SMIM35: variants seen among roughly 807,000 people sequenced by gnomAD.
The protein encoded by SMIM35 is small integral membrane protein 35, also known as TMPRSS4 antisense RNA 1 (non-protein coding).
intron 1 of SMIM35, among the ~76,000 whole-genome samples, chr11:118,059,873 G>A (rs765162151): frequency 2.0e-5 from 3 of 152,168 alleles, no homozygotes; most frequent in Admixed American, 6.5e-5. Flanking sequence ...CTCCCACGCC[G>A]GCCTAGGGAT....
chr11:118,047,835 A>G (rs897765471), intron 1 of SMIM35, among the ~76,000 whole-genome samples: 1 of 152,178 alleles, frequency 6.6e-6, no homozygotes, highest in African/African-American at 2.4e-5. Flanking sequence ...GTGACCCTCC[A>G]CATTTGTCCC....
intron 1 of SMIM35, among the ~76,000 whole-genome samples, chr11:118,052,589 C>A (rs1944234643): frequency 6.6e-6 from 1 of 152,140 alleles, no homozygotes; most frequent in Non-Finnish European, 1.5e-5. Context: ...TCTGCCCTGG[C>A]TCCCACATAG....
At chr11:118,084,615 G>T (rs988599224) in intron 1 of SMIM35, among the ~76,000 whole-genome samples, 3 of 152,188 alleles carry the variant, frequency 2.0e-5, no homozygotes, top group African/African-American at 7.2e-5. Flanking sequence ...CAGAACCACA[G>T]CACAGACCCT....
chr11:118,059,819 G>T (rs1361385023), intron 1 of SMIM35, among the ~76,000 whole-genome samples: 1 of 152,184 alleles, frequency 6.6e-6, no homozygotes, highest in East Asian at 1.9e-4. Context: ...GAGACACAGG[G>T]TGAGGTGCTC....
chr11:118,073,548 G>A (rs536274515), intron 1 of SMIM35, among the ~76,000 whole-genome samples: 14 of 152,280 alleles, frequency 9.2e-5, no homozygotes, highest in Middle Eastern at 3.4e-3. Context: ...TGTGAATGCC[G>A]AAAAGAGACA....
intron 1 of SMIM35, among the ~76,000 whole-genome samples, chr11:118,050,658 G>A (rs993418967): frequency 7.2e-5 from 11 of 152,208 alleles, no homozygotes; most frequent in African/African-American, 2.4e-4. Flanking sequence ...CCCCACCCTT[G>A]CTTCCTCATC....
chr11:118,060,361 C>A, intron 1 of SMIM35, among the ~76,000 whole-genome samples: 1 of 152,270 alleles, frequency 6.6e-6, no homozygotes, highest in East Asian at 1.9e-4. Context: ...CCTCCCCACA[C>A]ACCTCTTGCA....
At chr11:118,020,389 T>A (rs2058218381) in intron 1 of SMIM35, among the ~76,000 whole-genome samples, 1 of 152,258 alleles carries the variant, frequency 6.6e-6, no homozygotes, top group South Asian at 2.1e-4. Context: ...TCTTGTGAAT[T>A]TGGGAATTCG....
intron 1 of SMIM35, among the ~76,000 whole-genome samples, chr11:118,080,670 G>A (rs1262807278): frequency 6.6e-6 from 1 of 152,172 alleles, no homozygotes; most frequent in Admixed American, 6.5e-5. Context: ...TAAGAAATGA[G>A]GAGAGACCAG....
intron 1 of SMIM35, chr11:118,029,542 A>G: frequency 2.4e-6 from 1 of 422,646 alleles, no homozygotes; most frequent in Non-Finnish European, 4.7e-6. Flanking sequence ...GAGGCAATAG[A>G]GAGAGGCTAC....
chr11:118,009,216 A>T (rs780409303), intron 4 of SMIM35, among the ~76,000 whole-genome samples: 2 of 151,896 alleles, frequency 1.3e-5, no homozygotes, highest in Non-Finnish European at 2.9e-5. Context: ...ACACAAGGAG[A>T]CCCCAAAAAG....
chr11:118,053,265 G>A (rs1944249112), intron 1 of SMIM35, among the ~76,000 whole-genome samples: 1 of 151,618 alleles, frequency 6.6e-6, no homozygotes, highest in Non-Finnish European at 1.5e-5. Context: ...CCGAGATCAT[G>A]CCGTTGCACT....
intron 1 of SMIM35, among the ~76,000 whole-genome samples, chr11:118,056,020 A>G (rs628269): frequency 0.14 from 20,772 of 151,862 alleles, 1,519 homozygotes; most frequent in African/African-American, 0.16. Flanking sequence ...GAGGTGGTGA[A>G]GGAAGAAGAG....
rs550646256 is a variant in SMIM35 at position 118,028,315 on chromosome 11, A to G, written c.8-12506T>C. On this transcript the variant is annotated intron_variant, in intron 1 of 4. Transcript: ENST00000689828. ...TTTGGTGTTGGGCTAAGGAGGAGAA[A>G]AACATGCCCTAAGGCTCTTTAGCCT... Among the ~76,000 whole-genome samples the G allele has an allele frequency of 2.6e-5, 4 of 152,350 alleles. No individual in the cohort carries two copies. In the South Asian group the frequency reaches 8.3e-4, roughly 32 times the overall value.
At chr11:118,059,977 G>A (rs544093354) in intron 1 of SMIM35, among the ~76,000 whole-genome samples, 8 of 152,308 alleles carry the variant, frequency 5.3e-5, no homozygotes, top group African/African-American at 1.9e-4. Context: ...TTATCTCATA[G>A]CCTTGAGCCT....
intron 1 of SMIM35, among the ~76,000 whole-genome samples, chr11:118,030,159 C>T (rs796185189): frequency 7.9e-5 from 12 of 152,074 alleles, no homozygotes; most frequent in East Asian, 3.9e-4. Flanking sequence ...CTCAGCCTCC[C>T]GAGTAGCTGG....
chr11:118,032,184 G>A (rs922134470), intron 1 of SMIM35, among the ~76,000 whole-genome samples: 5 of 152,070 alleles, frequency 3.3e-5, no homozygotes, highest in African/African-American at 1.2e-4. Flanking sequence ...ACAACTAAAT[G>A]CAACTTGTGA....
At chr11:118,030,774 G>A (rs1034952616) in intron 1 of SMIM35, among the ~76,000 whole-genome samples, 1 of 152,092 alleles carries the variant, frequency 6.6e-6, no homozygotes, top group African/African-American at 2.4e-5. Context: ...GATGAGGAGG[G>A]TTCTAGGTGG....
intron 1 of SMIM35, among the ~76,000 whole-genome samples, chr11:118,051,529 A>G (rs1454112714): frequency 1.3e-5 from 2 of 152,236 alleles, no homozygotes; most frequent in African/African-American, 2.4e-5. Context: ...CAGATCTTGC[A>G]AATCAGGGCT....
Sources: allele counts gnomAD v4.1 joint callset (sites outside exome capture counted in the v4.1 genomes callset), GRCh38; gene constraint gnomAD v4.1.1; transcripts MANE v1.5; gene names NCBI Gene and HGNC (gene_info 2026-07-23, HGNC 2026-07-21).